The following KIF19 variants were observed in gnomAD, a reference collection of about 807,000 sequenced individuals.
KIF19 encodes kinesin-like protein KIF19.
A neutral mutation model predicts 106.6 loss-of-function variants in KIF19; 98 were observed. The ratio of observed to expected loss-of-function variants is 0.92; its 90% CI spans 0.78 to 1.09. The LOEUF (loss-of-function observed/expected upper bound fraction) is 1.09, where lower values mean the gene tolerates loss of function less well. KIF19 is among the 50% of genes least tolerant of loss of function. The pLI is 0.00. For missense variants in KIF19, 1,373 were observed against 1,414.3 expected (o/e 0.97, Z 0.47); for synonymous variants, 516 against 584.2 (o/e 0.88, Z 1.68).
At chr17:74,353,448 C>A (rs556876063) in intron 16 of KIF19, 46 bp from the exon 17 acceptor site, 4 of 1,570,486 alleles carry the variant, frequency 2.5e-6, no homozygotes, top group Non-Finnish European at 3.5e-6. Context: ...CATGGGGTCC[C>A]TGCTGTGTTT....
At position 74,346,369 on chromosome 17, in the gene KIF19, G is replaced by GC. The variant is rs200234220; in HGVS notation, c.778-4dup. ...CAGGCCACACGTGTGCCCTTTGCTC[G>GC]CCCCCTAGACACAGAATCGTGGGCA... On this transcript the variant is annotated splice_polypyrimidine_tract_variant and intron_variant, in intron 7 of 19. Transcript: ENST00000389916. The surrounding 1 kb of genome is among the most constrained non-coding windows in gnomAD (Gnocchi z 4.6). The GC allele has an allele frequency of 1.3e-6, 2 of 1,567,962 alleles. No individual in the cohort carries two copies. The highest frequency in any genetic ancestry group is 1.2e-5 in the South Asian group (1 of 85,020).
rs1350370404 is a variant in KIF19 at position 74,343,125 on chromosome 17, G to C, written c.421G>C (p.Asp141His). The change falls in exon 5 of 20, where the codon GAC (aspartate) becomes CAC (histidine). Residue 141 changes from aspartate to histidine, a missense_variant. Physicochemically the swap from Asp to His is moderately conservative, Grantham distance 81. Around this residue, in one of 3 missense-constraint regions of KIF19, gnomAD observed 348 missense variants for 389.5 expected, o/e 0.89. Transcript: ENST00000389916. ...LFRAIEETSN[D>H]MEYEVSMSYL... ...CCGTGCCATCGAGGAGACCAGCAATGACATGGAGTATGAGGTCTCCATGTC... is the reference window on the plus strand; with the variant it reads ...CCGTGCCATCGAGGAGACCAGCAATCACATGGAGTATGAGGTCTCCATGTC... 1 of 1,612,958 alleles carries C rather than the reference G, an allele frequency of 6.2e-7. No homozygotes were observed. The highest frequency in any genetic ancestry group is 8.5e-7 in the Non-Finnish European group (1 of 1,179,816).
chr17:74,348,971 G>A lies in KIF19; in HGVS notation c.1048-213G>A, dbSNP rs530138813. ...GCCCTTCAACAACGGGTGGAGGAAT[G>A]AGGACGTTCCCCGCAGGCATTAGGA... On this transcript the variant is annotated intron_variant, in intron 9 of 19. Coordinates refer to ENST00000389916, the MANE Select transcript of KIF19 (RefSeq NM_153209.4). The A allele has an allele frequency of 3.3e-4, 191 of 579,144 alleles. 1 individual carries two copies. The African/African-American group carries it at 3.4e-3, about 10-fold the overall frequency. 35.9% of individuals were successfully genotyped at this position (579,144 alleles called of 1,614,324 possible). A position where few individuals can be genotyped will look rare whatever the true frequency, so the allele number is the denominator to read the frequency against.
At chr17:74,353,823 T>C (rs1323455353) in intron 17 of KIF19, among the ~76,000 whole-genome samples, 4 of 152,170 alleles carry the variant, frequency 2.6e-5, no homozygotes, top group Admixed American at 2.0e-4. Context: ...AAAAGAGACA[T>C]GTGGCATGGA....
rs756066443 is a variant in KIF19, at chr17:74,343,145, C to T, written c.441C>T (p.Ser147=). 6.2e-7 allele frequency: 1 copy of T among 1,612,736 alleles called. No individual in the cohort carries two copies. Among genetic ancestry groups the T allele is most frequent in the South Asian group, 1.1e-5 (1 of 91,068 alleles). The change falls in exon 5 of 20, where the codon TCC becomes TCT. Residue 147 remains serine (S), a synonymous_variant. Coordinates refer to ENST00000389916, the MANE Select transcript of KIF19 (RefSeq NM_153209.4). ...GCAATGACATGGAGTATGAGGTCTCCATGTCCTACCTGGAGGTGAGTCCCC... is the reference window on the plus strand; with the variant it reads ...GCAATGACATGGAGTATGAGGTCTCTATGTCCTACCTGGAGGTGAGTCCCC... ...ETSNDMEYEV[S]MSYLEIYNEM... is the part of the protein sequence containing the mutation.
At chr17:74,347,567 A>G in intron 8 of KIF19, among the ~76,000 whole-genome samples, 1 of 151,188 alleles carries the variant, frequency 6.6e-6, no homozygotes, top group Non-Finnish European at 1.5e-5. Context: ...TAAAGAGGTG[A>G]ATGAGCTTTA....
At chr17:74,341,629 A>G (rs1324555787) in intron 2 of KIF19, among the ~76,000 whole-genome samples, 1 of 152,214 alleles carries the variant, frequency 6.6e-6, no homozygotes, top group Non-Finnish European at 1.5e-5. Flanking sequence ...GGAAAGCTGA[A>G]GAGGACAGGA....
chr17:74,354,799 A>C lies in KIF19; in HGVS notation c.2724A>C (p.Thr908=). The change falls in exon 19 of 20, where the codon ACA becomes ACC. Residue 908 remains threonine, a synonymous_variant. Transcript: ENST00000389916. ...CATCACAGCTCTCCCACCCCAAGAC[A>C]CACCTCCTGGGGCCCCATCAGGCGG... ...VTGQGLSHPK[T]HLLGPHQAER... 6.4e-7 allele frequency: 1 copy of C among 1,558,404 alleles called. No homozygotes were observed. Among genetic ancestry groups the C allele is most frequent in the Non-Finnish European group, 8.7e-7 (1 of 1,151,192 alleles).
In KIF19 at chr17:74,354,349, G is replaced by A. The variant is rs61748941; in HGVS notation, c.2496G>A (p.Pro832=). ...RPPGPLACKR[P]PSPTLQHAAS... ...CAGGCCCACTGGCCTGCAAGCGGCC[G>A]CCCAGCCCCACACTACAGCATGCTG... Residue 832 remains proline, a synonymous_variant, in exon 18 of 20, where the codon CCG becomes CCA. Transcript: ENST00000389916. 5.9e-3 allele frequency: 9,521 copies of A among 1,603,690 alleles called. 184 individuals carry two copies. The highest frequency in any genetic ancestry group is 0.04 in the African/African-American group (2,997 of 74,888).
In KIF19 at chr17:74,353,553, C is replaced by A. The variant is rs200259858; in HGVS notation, c.2280C>A (p.Asn760Lys). ...ACTCTTCCCCTGACAGCAGTGAGAA[C>A]CTGTCGGAGATCCCCTTGTCCCACA... ...WINSSPDSSENLSEIPLSHKE... is the reference protein window; with the variant it reads ...WINSSPDSSEKLSEIPLSHKE... The change falls in exon 17 of 20, where the codon AAC becomes AAA. Residue 760 changes from asparagine to lysine, a missense_variant. Physicochemically the swap from Asn to Lys is moderately conservative, Grantham distance 94. Around this residue, in one of 3 missense-constraint regions of KIF19, gnomAD observed 1,020 missense variants for 1,008.2 expected, o/e 1.01. Transcript: ENST00000389916. The A allele has an allele frequency of 7.0e-4, 1,137 of 1,613,674 alleles. 8 individuals are homozygous for A. Among genetic ancestry groups the A allele is most frequent in the African/African-American group, 3.6e-4 (27 of 74,942 alleles).
intron 4 of KIF19, 38 bp from the exon 5 acceptor site, chr17:74,342,986 G>GC: frequency 1.9e-6 from 2 of 1,047,130 alleles, no homozygotes; most frequent in African/African-American, 1.6e-5. Context: ...CTCCCTCCCA[G>GC]CCCCACCCCG....
rs373678088 is a variant in KIF19 at position 74,326,412 on chromosome 17, C to G, written c.39+24C>G. On this transcript the variant is annotated intron_variant, in intron 1 of 19. Coordinates refer to ENST00000389916, the MANE Select transcript of KIF19 (RefSeq NM_153209.4). ...TGGTGAGACCCTTTTAGACCCTCCT[C>G]CCCACCCCGCTCCGTGGTCTACTTC... is the stretch of plus-strand genomic sequence containing the variant. The G allele has an allele frequency of 5.0e-4, 805 of 1,609,066 alleles. 1 individual carries two copies. Among genetic ancestry groups the G allele is most frequent in the Non-Finnish European group, 6.5e-4 (770 of 1,176,542 alleles).
At chr17:74,350,159 G>A (rs1424919415) in intron 10 of KIF19, among the ~76,000 whole-genome samples, 2 of 152,196 alleles carry the variant, frequency 1.3e-5, no homozygotes, top group Non-Finnish European at 1.5e-5. Flanking sequence ...GTAAGGGTTA[G>A]CAGGAGCCCA....
At chr17:74,339,876 C>T (rs539940557) in intron 2 of KIF19, among the ~76,000 whole-genome samples, 1 of 152,298 alleles carries the variant, frequency 6.6e-6, no homozygotes, top group African/African-American at 2.4e-5. Flanking sequence ...GGTGCAGGGC[C>T]TGTGGAATCC....
intron 2 of KIF19, among the ~76,000 whole-genome samples, chr17:74,330,259 G>A (rs1033306265): frequency 2.6e-5 from 4 of 152,206 alleles, no homozygotes; most frequent in African/African-American, 9.7e-5. Flanking sequence ...GTGCAGCCTG[G>A]GGGGTTGCTT....
intron 2 of KIF19, chr17:74,328,860 CA>C: frequency 1.2e-5 from 2 of 167,576 alleles, no homozygotes; most frequent in Non-Finnish European, 2.6e-5. Context: ...TAACGTGTGG[CA>C]AAATCCTCGC....
chr17:74,326,815 T>C lies in KIF19; in HGVS notation c.39+427T>C, dbSNP rs145165681. On this transcript the variant is annotated intron_variant, in intron 1 of 19. Coordinates refer to ENST00000389916, the MANE Select transcript of KIF19 (RefSeq NM_153209.4). ...TCAGGAGTTTAAAGGGATGTGGGGG[T>C]CACCAGTAGGAAGACAAGGGCCCCT... Among the ~76,000 whole-genome samples, 949 of 151,904 alleles carry C rather than the reference T, an allele frequency of 6.2e-3. 12 individuals carry two copies. The highest frequency in any genetic ancestry group is 0.022 in the African/African-American group (905 of 41,414).
Position 74,346,293 on chromosome 17 carries a change from A to G in KIF19, c.778-85A>G. On this transcript the variant is annotated intron_variant, in intron 7 of 19. Transcript: ENST00000389916. The surrounding 1 kb of genome is among the most constrained non-coding windows in gnomAD (Gnocchi z 4.6). ...TGGGGGTTTATTACCCAGGATCACCAGGTCATTCATTGGTGGGGTGGCTGG... is the reference window on the plus strand; with the variant it reads ...TGGGGGTTTATTACCCAGGATCACCGGGTCATTCATTGGTGGGGTGGCTGG... 1 of 1,424,270 alleles carries G rather than the reference A, an allele frequency of 7.0e-7. No homozygotes were observed. The highest frequency in any genetic ancestry group is 9.5e-7 in the Non-Finnish European group (1 of 1,048,902). 88.2% of individuals were successfully genotyped at this position (1,424,270 alleles called of 1,614,324 possible).
rs773939684 is a variant in KIF19 at position 74,331,115 on chromosome 17, C to G, written c.120+2610C>G. Among the ~76,000 whole-genome samples the G allele has an allele frequency of 1.3e-5, 2 of 152,140 alleles. No homozygotes were observed. Among genetic ancestry groups the G allele is most frequent in the African/African-American group, 2.4e-5 (1 of 41,424 alleles). ...GGAAGCAAAATGCACATGGACCCCC[C>G]CTTACCCTTGTCCCCGACCTGACCA... On this transcript the variant is annotated intron_variant, in intron 2 of 19. Coordinates refer to ENST00000389916, the MANE Select transcript of KIF19 (RefSeq NM_153209.4). The surrounding 1 kb of genome is among the most constrained non-coding windows in gnomAD (Gnocchi z 4.1).
Sources: gnomAD v4.1 joint callset for allele counts (sites outside exome capture counted in the v4.1 genomes callset) on GRCh38, gnomAD v4.1.1 for gene constraint, gnomAD v4.1.1 regional missense constraint, Gnocchi (gnomAD v3.1) non-coding constraint, MANE v1.5 for transcripts, NCBI Gene and HGNC (gene_info 2026-07-23, HGNC 2026-07-21) for gene names.